The following SDF4 variants were observed in gnomAD, a reference collection of about 807,000 sequenced individuals.
SDF4 encodes the protein stromal cell derived factor 4, also known as 45 kDa calcium-binding protein.
A neutral mutation model predicts 34.2 loss-of-function variants in SDF4; 22 were observed. The observed-to-expected ratio is 0.64, with a 90% confidence interval of 0.46 to 0.92. The LOEUF (loss-of-function observed/expected upper bound fraction) is 0.92. SDF4 is among the 40% of genes least tolerant of loss of function. The probability of loss-of-function intolerance (pLI) is 0.00; values close to 1 mark genes in which losing one functional copy is unlikely to be tolerated. For missense variants in SDF4, 447 were observed against 499.9 expected, an observed-to-expected ratio of 0.89 and a Z score of 1.01; for synonymous variants, 236 against 203.1, an observed-to-expected ratio of 1.16 and a Z score of -1.38.
chr1:1,229,626 AGCTTTCCT>A (rs1172248098), intron 1 of SDF4, among the ~76,000 whole-genome samples: 3 of 152,326 alleles, frequency 2.0e-5, no homozygotes, highest in African/African-American at 7.2e-5. Flanking sequence ...CCTGCAGCAC[AGCTTTCCT>A]GTGGGGCCCG....
rs2100992424 is a variant in SDF4 at position 1,231,995 on chromosome 1, G to A, written c.-278C>T. On this transcript the variant is annotated 5_prime_UTR_variant, in exon 1 of 7. Transcript: ENST00000360001. Reference sequence around the variant, plus strand: ...ACTGCCATCTTTCTTGCGGGCGGGGGCGGTGCGAACGGGCGCGACCTCACG... The same window carrying A: ...ACTGCCATCTTTCTTGCGGGCGGGGACGGTGCGAACGGGCGCGACCTCACG... The A allele has an allele frequency of 6.6e-6, 1 of 152,382 alleles. No homozygotes were observed. Among genetic ancestry groups the A allele is most frequent in the East Asian group, 1.9e-4 (1 of 5,172 alleles). The allele number at this position is 152,382 out of a possible 1,614,324, so 9.4% of individuals were successfully genotyped here. A position where few individuals can be genotyped will look rare whatever the true frequency, so the allele number is the denominator to read the frequency against.
At chr1:1,220,770 G>A (rs900402684) in intron 4 of SDF4, 20 of 1,288,688 alleles carry the variant, frequency 1.6e-5, no homozygotes, top group African/African-American at 3.0e-5. Context: ...ACCAAGGAAA[G>A]ACAGACACAA....
Position 1,223,830 on chromosome 1 carries a change from A to T in SDF4, c.442+2T>A. On this transcript the variant is annotated splice_donor_variant, in intron 3 of 6. Coordinates refer to ENST00000360001, the MANE Select transcript of SDF4 (RefSeq NM_016176.6). LOFTEE classifies it high-confidence loss of function. ...CCACCCACCCCGGCCCAGCCACAGT[A>T]CCGTCCCCGTCAGGGTCCACGGCGC... is the stretch of plus-strand genomic sequence containing the variant. 1 of 1,370,868 alleles carries T rather than the reference A, an allele frequency of 7.3e-7. No individual in the cohort carries two copies. The highest frequency in any genetic ancestry group is 9.7e-7 in the Non-Finnish European group (1 of 1,029,814). 84.9% of individuals were successfully genotyped at this position (1,370,868 alleles called of 1,614,324 possible). A position where few individuals can be genotyped will look rare whatever the true frequency, so the allele number is the denominator to read the frequency against.
Position 1,218,421 on chromosome 1 carries a change from A to G in SDF4, c.891+37T>C. The stretch of plus-strand genomic sequence containing the variant: ...AGCCCCTCCCGCCACAGCACCTCGC[A>G]GGGCCGGCTCCGGGACACGGCTGCG... On this transcript the variant is annotated intron_variant, in intron 6 of 6. Coordinates refer to ENST00000360001, the MANE Select transcript of SDF4 (RefSeq NM_016176.6). This position sits in a 1 kb window ranked among gnomAD's most constrained non-coding sequence, Gnocchi z 7.9. The G allele has an allele frequency of 6.3e-7, 1 of 1,595,708 alleles. No individual in the cohort carries two copies. The highest frequency in any genetic ancestry group is 8.5e-7 in the Non-Finnish European group (1 of 1,174,816).
intron 4 of SDF4, chr1:1,219,334 A>G: frequency 8.9e-7 from 1 of 1,124,116 alleles, no homozygotes; most frequent in Non-Finnish European, 1.1e-6. Context: ...GAACCTCCCC[A>G]TGGCCCAGAC....
chr1:1,227,860 G>C (rs568116326), intron 2 of SDF4, among the ~76,000 whole-genome samples: 2 of 152,276 alleles, frequency 1.3e-5, no homozygotes, highest in East Asian at 3.9e-4. Flanking sequence ...GAGGGTCTCG[G>C]GACTCAGCAG....
rs775823670 is a variant in SDF4, at chr1:1,218,314, G to A, written c.891+144C>T. 5.8e-6 allele frequency: 5 copies of A among 863,766 alleles called. No individual in the cohort carries two copies. Among genetic ancestry groups the A allele is most frequent in the Non-Finnish European group, 8.7e-6 (5 of 572,628 alleles). 53.5% of individuals were successfully genotyped at this position (863,766 alleles called of 1,614,324 possible). Reference sequence around the variant, plus strand: ...GCCATGCAGCCTGGTGGACACCGCTGAGCAAACGCCCCAGTGACCAGCCCA... The same window carrying A: ...GCCATGCAGCCTGGTGGACACCGCTAAGCAAACGCCCCAGTGACCAGCCCA... On this transcript the variant is annotated intron_variant, in intron 6 of 6. Transcript: ENST00000360001. This position sits in a 1 kb window ranked among gnomAD's most constrained non-coding sequence, Gnocchi z 7.9.
Position 1,218,419 on chromosome 1 carries a change from G to A in SDF4, c.891+39C>T, listed in dbSNP as rs375456069. 12 of 1,592,366 alleles carry A rather than the reference G, an allele frequency of 7.5e-6. No individual in the cohort carries two copies. The highest frequency in any genetic ancestry group is 4.5e-5 in the South Asian group (4 of 89,234). On this transcript the variant is annotated intron_variant, in intron 6 of 6. Coordinates refer to ENST00000360001, the MANE Select transcript of SDF4 (RefSeq NM_016176.6). The surrounding 1 kb of genome is among the most constrained non-coding windows in gnomAD (Gnocchi z 7.9). ...CCAGCCCCTCCCGCCACAGCACCTC[G>A]CAGGGCCGGCTCCGGGACACGGCTG...
chr1:1,227,830 A>G (rs1382094391), intron 2 of SDF4, among the ~76,000 whole-genome samples: 2 of 152,176 alleles, frequency 1.3e-5, no homozygotes, highest in Admixed American at 1.3e-4. Flanking sequence ...AAAGCTCGGC[A>G]CTAGGCACAG....
chr1:1,228,659 T>G lies in SDF4; in HGVS notation c.114A>C (p.Arg38=). 6.2e-7 allele frequency: 1 copy of G among 1,613,104 alleles called. No individual in the cohort carries two copies. Among genetic ancestry groups the G allele is most frequent in the Non-Finnish European group, 8.5e-7 (1 of 1,180,008 alleles). ...SARPANHSST[R]ERVANREENE... ...TCTCCTCCCTGTTGGCTACTCTCTC[T>G]CGAGTGGACGAGTGGTTGGCAGGCC... is the stretch of plus-strand genomic sequence containing the variant. Residue 38 remains arginine (R), a synonymous_variant, in exon 2 of 7, where the codon CGA becomes CGC. Transcript: ENST00000360001.
At position 1,218,550 on chromosome 1, in the gene SDF4, T is replaced by C. The variant is rs757633823; in HGVS notation, c.799A>G (p.Ile267Val). The stretch of plus-strand genomic sequence containing the variant: ...CTGTCTTTCACCCAGTTGTCGTCAA[T>C]GTCCTGGCCCTGCTGGTTCTCCACG... ...GTVENQQGQD[I>V]DDNWVKDRKK... Residue 267 changes from isoleucine (I) to valine (V), a missense_variant, in exon 6 of 7, where the codon ATT becomes GTT. Ile to Val is a conservative substitution (Grantham distance 29). Transcript: ENST00000360001. This position sits in a 1 kb window ranked among gnomAD's most constrained non-coding sequence, Gnocchi z 7.9. The C allele has an allele frequency of 2.5e-5, 41 of 1,613,958 alleles. No homozygotes were observed. Among genetic ancestry groups the C allele is most frequent in the Non-Finnish European group, 3.4e-5 (40 of 1,179,958 alleles).
intron 3 of SDF4, 48 bp downstream of exon 3, chr1:1,223,784 C>CA: frequency 1.3e-4 from 83 of 623,008 alleles, no homozygotes; most frequent in East Asian, 2.2e-4. Flanking sequence ...GCCCATGGCC[C>CA]TGCCCGCCCC....
intron 4 of SDF4, chr1:1,219,159 G>A (rs9659553): frequency 0.088 from 124,070 of 1,404,094 alleles, 6,005 homozygotes; most frequent in East Asian, 0.15. Flanking sequence ...CAAAGGCATA[G>A]CTTGGACCCC....
Position 1,218,872 on chromosome 1 carries a change from A to G in SDF4, c.612T>C (p.Pro204=). The change falls in exon 5 of 7, where the codon CCT becomes CCC. Residue 204 remains proline (P), a synonymous_variant. Transcript: ENST00000360001. This position sits in a 1 kb window ranked among gnomAD's most constrained non-coding sequence, Gnocchi z 7.9. ...KDRWYQADSP[P]ADLLLTEEEF... is the part of the protein sequence containing the mutation. ...CCTCCTCCGTCAGCAGCAGGTCTGCAGGGGGGCTGTCCGCCTGGTACCAGC... is the reference window on the plus strand; with the variant it reads ...CCTCCTCCGTCAGCAGCAGGTCTGCGGGGGGGCTGTCCGCCTGGTACCAGC... 1.3e-6 allele frequency: 2 copies of G among 1,598,620 alleles called. No homozygotes were observed. The highest frequency in any genetic ancestry group is 1.7e-6 in the Non-Finnish European group (2 of 1,169,922).
rs144192096 is a variant in SDF4, at chr1:1,227,083, G to A, written c.305+1385C>T. On this transcript the variant is annotated intron_variant, in intron 2 of 6. Coordinates refer to ENST00000360001, the MANE Select transcript of SDF4 (RefSeq NM_016176.6). ...GTCCTCCAGCTGGCACCGTGCCTCCGTCCCACCAGCTCACCTGTGCTCCGC... is the reference window on the plus strand; with the variant it reads ...GTCCTCCAGCTGGCACCGTGCCTCCATCCCACCAGCTCACCTGTGCTCCGC... Among the ~76,000 whole-genome samples, 692 of 152,282 alleles carry A rather than the reference G, an allele frequency of 4.5e-3. 2 individuals carry two copies. Among genetic ancestry groups the A allele is most frequent in the Admixed American group, 0.011 (170 of 15,302 alleles).
At chr1:1,228,242 G>A (rs1179775711) in intron 2 of SDF4, among the ~76,000 whole-genome samples, 1 of 152,240 alleles carries the variant, frequency 6.6e-6, no homozygotes, top group African/African-American at 2.4e-5. Context: ...CTGGCCCTCT[G>A]AGCCCCCGGC....
chr1:1,221,187 C>A (rs540892923), intron 4 of SDF4: 150 of 196,110 alleles, frequency 7.6e-4, no homozygotes, highest in Non-Finnish European at 1.4e-3. Context: ...GCAGAGCCAA[C>A]AGGCTCAAAA....
chr1:1,219,085 C>A, intron 4 of SDF4, 158 bp from the exon 5 acceptor site: 9 of 1,547,078 alleles, frequency 5.8e-6, no homozygotes, highest in Middle Eastern at 2.0e-4. Flanking sequence ...CATGGCCCAG[C>A]CCCTAAGACA....
At chr1:1,230,250 G>A (rs113792230) in intron 1 of SDF4, among the ~76,000 whole-genome samples, 11,718 of 152,242 alleles carry the variant, frequency 0.077, 576 homozygotes, top group East Asian at 0.17. Context: ...CACTGTTCTG[G>A]CACCTGCCAC....
Sources: allele counts gnomAD v4.1 joint callset (sites outside exome capture counted in the v4.1 genomes callset), GRCh38; gene constraint gnomAD v4.1.1; non-coding constraint Gnocchi (gnomAD v3.1); transcripts MANE v1.5; gene names NCBI Gene and HGNC (gene_info 2026-07-23, HGNC 2026-07-21).